The following TADA2A variants were observed in gnomAD, a reference collection of about 807,000 sequenced individuals.
TADA2A encodes transcriptional adaptor 2A, also known as transcriptional adapter 2-alpha.
Under a neutral mutation model 67.4 loss-of-function variants are expected in TADA2A, and 38 were observed. The observed-to-expected ratio is 0.56, with a 90% confidence interval of 0.44 to 0.74. The LOEUF is 0.74. Ranked by LOEUF, TADA2A falls within the 30% of genes least tolerant of loss-of-function variation. TADA2A has a pLI of 0.00. For missense variants in TADA2A, 454 were observed against 547.0 expected (o/e 0.83, Z 1.70); for synonymous variants, 192 against 181.6 (o/e 1.06, Z -0.46).
chr17:37,451,270 C>T (rs1024080632), intron 8 of TADA2A, among the ~76,000 whole-genome samples: 1 of 151,428 alleles, frequency 6.6e-6, no homozygotes, highest in African/African-American at 2.4e-5. Context: ...TGGCCTCAAG[C>T]GATCCTCCCA....
chr17:37,425,672 A>T (rs1470973780), intron 3 of TADA2A, among the ~76,000 whole-genome samples: 2 of 152,090 alleles, frequency 1.3e-5, no homozygotes, highest in African/African-American at 4.8e-5. Context: ...TTTTTGAGAC[A>T]GGGTTTCACT....
chr17:37,410,671 A>G (rs969579142), intron 1 of TADA2A, among the ~76,000 whole-genome samples: 2 of 152,236 alleles, frequency 1.3e-5, no homozygotes, highest in Non-Finnish European at 2.9e-5. Flanking sequence ...GCCAGAGCAC[A>G]TGGACTGAAT....
chr17:37,424,957 GTTCAAGGGATTCTCCTGC>G (rs1429021016), intron 3 of TADA2A, among the ~76,000 whole-genome samples: 2 of 152,112 alleles, frequency 1.3e-5, no homozygotes, highest in African/African-American at 4.8e-5. Flanking sequence ...TGCCTCTCGG[GTTCAAGGGATTCTCCTGC>G]TTCAAGGGAT....
intron 8 of TADA2A, among the ~76,000 whole-genome samples, chr17:37,455,426 G>T (rs1266943797): frequency 2.6e-5 from 4 of 151,890 alleles, no homozygotes; most frequent in African/African-American, 4.8e-5. Context: ...CTGTCGCCCA[G>T]GCTGGAGTGC....
intron 4 of TADA2A, among the ~76,000 whole-genome samples, chr17:37,429,474 G>T (rs1198073691): frequency 6.6e-6 from 1 of 151,792 alleles, no homozygotes; most frequent in Non-Finnish European, 1.5e-5. Flanking sequence ...TAGAGACAGG[G>T]TTTCTCCATG....
Position 37,419,700 on chromosome 17 carries a change from C to T in TADA2A, c.26-3809C>T, listed in dbSNP as rs375096749. Among the ~76,000 whole-genome samples the T allele has an allele frequency of 1.7e-4, 24 of 141,372 alleles. 1 individual carries two copies. The highest frequency in any genetic ancestry group is 5.6e-4 in the African/African-American group (22 of 39,026). 92.7% of individuals were successfully genotyped at this position (141,372 alleles called of 152,430 possible). A position where few individuals can be genotyped will look rare whatever the true frequency, so the allele number is the denominator to read the frequency against. ...GGCTGAGGCATGAGAATTGCTTGAACGTGGGAGGCAGAGGTTTCAGTGAGC... is the reference window on the plus strand; with the variant it reads ...GGCTGAGGCATGAGAATTGCTTGAATGTGGGAGGCAGAGGTTTCAGTGAGC... On this transcript the variant is annotated intron_variant, in intron 2 of 15. Coordinates refer to ENST00000615182, the MANE Select transcript of TADA2A (RefSeq NM_001166105.3).
intron 4 of TADA2A, among the ~76,000 whole-genome samples, chr17:37,431,918 C>A (rs2052579715): frequency 6.6e-6 from 1 of 152,142 alleles, no homozygotes; most frequent in African/African-American, 2.4e-5. Context: ...GACAGTATAT[C>A]ATTTCATCTT....
rs562277920 is a variant in TADA2A, at chr17:37,444,318, G to C, written c.532-378G>C. Among the ~76,000 whole-genome samples, 391 of 151,140 alleles carry C rather than the reference G, an allele frequency of 2.6e-3. 3 individuals carry two copies. Among genetic ancestry groups the C allele is most frequent in the African/African-American group, 9.3e-3 (382 of 41,142 alleles). The stretch of plus-strand genomic sequence containing the variant: ...TTATTTATTTCAGAGACAGGCTCTT[G>C]CTCTGTTTCCCAGGCAGTCTTGAAC... On this transcript the variant is annotated intron_variant, in intron 7 of 15. Transcript: ENST00000615182.
intron 9 of TADA2A, among the ~76,000 whole-genome samples, chr17:37,459,798 G>T (rs1384422170): frequency 6.6e-6 from 1 of 150,570 alleles, no homozygotes; most frequent in Non-Finnish European, 1.5e-5. Flanking sequence ...GGGCGCGGTG[G>T]CTCACACCTG....
At position 37,470,532 on chromosome 17, in the gene TADA2A, T is replaced by G. The variant is rs2053764520; in HGVS notation, c.1028T>G (p.Ile343Ser). ...CAGTGGCTCCGCCGGCAAGCTGACATGTGAGTAATTACTCCAGGGTGAAGG... is the reference window on the plus strand; with the variant it reads ...CAGTGGCTCCGCCGGCAAGCTGACAGGTGAGTAATTACTCCAGGGTGAAGG... ...CQQWLRRQAD[I>S]DSGLSPSIPM... is the part of the protein sequence containing the mutation. The change falls in exon 13 of 16, where the codon ATT becomes AGT. Residue 343 changes from isoleucine to serine, a missense_variant and splice_region_variant. Transcript: ENST00000615182. The G allele has an allele frequency of 6.4e-7, 1 of 1,556,960 alleles. No homozygotes were observed. The highest frequency in any genetic ancestry group is 1.2e-5 in the South Asian group (1 of 81,898).
intron 4 of TADA2A, among the ~76,000 whole-genome samples, chr17:37,435,831 A>C (rs2052708306): frequency 6.6e-6 from 1 of 151,010 alleles, no homozygotes; most frequent in South Asian, 2.1e-4. Context: ...CCACCCACCC[A>C]GGTCTCCCAA....
rs2052248994 is a variant in TADA2A, at chr17:37,422,007, T to C, written c.26-1502T>C. On this transcript the variant is annotated intron_variant, in intron 2 of 15. Transcript: ENST00000615182. ...AGTTCTTCTGCCTCAGCCTCCTGTG[T>C]AGCTGGGACTACAGATGCATACCGC... 1.4e-5 allele frequency among the ~76,000 whole-genome samples: 2 copies of C among 144,912 alleles called. 1 individual carries two copies. The highest frequency in any genetic ancestry group is 3.1e-5 in the Non-Finnish European group (2 of 65,070).
intron 6 of TADA2A, among the ~76,000 whole-genome samples, chr17:37,442,124 A>G (rs1225723617): frequency 6.6e-6 from 1 of 151,622 alleles, no homozygotes; most frequent in Non-Finnish European, 1.5e-5. Context: ...GTGCAGGGTC[A>G]TGGGACTAGT....
At chr17:37,458,385 T>A in intron 8 of TADA2A, 139 bp from the exon 9 acceptor site, 1 of 394,026 alleles carries the variant, frequency 2.5e-6, no homozygotes, top group Non-Finnish European at 4.2e-6. Context: ...TTTTATGTTT[T>A]CTAGACTAGT....
chr17:37,441,941 C>T (rs1193753453), intron 6 of TADA2A, among the ~76,000 whole-genome samples: 1 of 152,212 alleles, frequency 6.6e-6, no homozygotes, highest in Non-Finnish European at 1.5e-5. Flanking sequence ...GTTGGGATTA[C>T]AGGTGTGAGC....
At chr17:37,471,877 T>TA (rs2053794495) in intron 14 of TADA2A, among the ~76,000 whole-genome samples, 2 of 152,320 alleles carry the variant, frequency 1.3e-5, no homozygotes, top group Admixed American at 1.3e-4. Context: ...ATTTCTGAGT[T>TA]AGAGACCTAA....
At chr17:37,436,913 A>T (rs1156556931) in intron 4 of TADA2A, among the ~76,000 whole-genome samples, 1 of 151,676 alleles carries the variant, frequency 6.6e-6, no homozygotes, top group Non-Finnish European at 1.5e-5. Flanking sequence ...TTAAAAATAT[A>T]TGTATATCTG....
intron 2 of TADA2A, among the ~76,000 whole-genome samples, chr17:37,418,091 ATAAC>A (rs1222538309): frequency 6.6e-6 from 1 of 152,228 alleles, no homozygotes; most frequent in Non-Finnish European, 1.5e-5. Flanking sequence ...ACAAGCTAGA[ATAAC>A]TAAACGTTCT....
At chr17:37,470,323 C>T (rs1019085864) in intron 12 of TADA2A, 77 bp from the exon 13 acceptor site, 11 of 1,560,732 alleles carry the variant, frequency 7.0e-6, no homozygotes, top group East Asian at 4.7e-5. Context: ...AACCCAAAAC[C>T]GGTTTCTTGG....
Sources: gnomAD v4.1 joint callset for allele counts (sites outside exome capture counted in the v4.1 genomes callset) on GRCh38, gnomAD v4.1.1 for gene constraint, MANE v1.5 for transcripts, NCBI Gene and HGNC (gene_info 2026-07-23, HGNC 2026-07-21) for gene names.